Variants in GIMAP8 observed in about 807,000 individuals in gnomAD.
The protein encoded by GIMAP8 is GTPase, IMAP family member 8.
A neutral mutation model predicts 35.6 loss-of-function variants in GIMAP8; 29 were observed. The observed-to-expected ratio is 0.81, with a 90% CI of 0.61 to 1.11. GIMAP8 has a LOEUF of 1.11. GIMAP8 is among the 50% of genes most tolerant of loss of function. GIMAP8 has a pLI of 0.00. For synonymous variants in GIMAP8, 335 were observed against 308.7 expected, an observed-to-expected ratio of 1.09 and a Z score of -0.89; for missense variants, 811 against 805.0, an observed-to-expected ratio of 1.01 and a Z score of -0.09.
At chr7:150,465,222 T>A (rs1440110393) in intron 1 of GIMAP8, among the ~76,000 whole-genome samples, 2 of 152,170 alleles carry the variant, frequency 1.3e-5, no homozygotes, top group Non-Finnish European at 2.9e-5. Flanking sequence ...GGGGTGGCCA[T>A]CCAAGAGGGT....
At chr7:150,453,865 G>A (rs534866238) in intron 1 of GIMAP8, among the ~76,000 whole-genome samples, 8 of 152,146 alleles carry the variant, frequency 5.3e-5, no homozygotes, top group Admixed American at 2.0e-4. Flanking sequence ...GGTATGGGGC[G>A]GGGGTGCCCG....
At chr7:150,470,936 C>A in intron 3 of GIMAP8, 62 bp downstream of exon 3, 1 of 1,210,122 alleles carries the variant, frequency 8.3e-7, no homozygotes, top group Non-Finnish European at 1.2e-6. Flanking sequence ...CATTCTGCAG[C>A]CAAAGTGAAG....
intron 1 of GIMAP8, among the ~76,000 whole-genome samples, chr7:150,458,009 G>C (rs1229070937): frequency 6.6e-6 from 1 of 152,182 alleles, no homozygotes; most frequent in East Asian, 1.9e-4. Context: ...TTTCCTCAGA[G>C]AGCCATATGC....
Position 150,479,342 on chromosome 7 carries a change from T to C in GIMAP8, c.*1562T>C, listed in dbSNP as rs1402001108. 1 of 152,220 alleles carries C rather than the reference T, an allele frequency of 6.6e-6. No homozygotes were observed. Among genetic ancestry groups the C allele is most frequent in the Non-Finnish European group, 1.5e-5 (1 of 68,036 alleles). 9.4% of individuals were successfully genotyped at this position (152,220 alleles called of 1,614,324 possible). A position where few individuals can be genotyped will look rare whatever the true frequency, so the allele number is the denominator to read the frequency against. ...AAAAATTGGAAAGTAAAAAAAAGTG[T>C]GTAAATATATTTAGTTGAATCAAAT... is the stretch of plus-strand genomic sequence containing the variant. On this transcript the variant is annotated 3_prime_UTR_variant, in exon 5 of 5. Transcript: ENST00000307271.
At chr7:150,454,676 CA>C (rs1252787682) in intron 1 of GIMAP8, among the ~76,000 whole-genome samples, 1 of 152,156 alleles carries the variant, frequency 6.6e-6, no homozygotes, top group South Asian at 2.1e-4. Context: ...TTCACTGAGC[CA>C]AAAAGCAAAT....
intron 1 of GIMAP8, among the ~76,000 whole-genome samples, chr7:150,463,977 T>C (rs559188658): frequency 5.1e-4 from 77 of 152,318 alleles, no homozygotes; most frequent in African/African-American, 1.7e-3. Flanking sequence ...GTGGCATGCA[T>C]GGGCGCTGGT....
At chr7:150,452,690 A>ATATATATATATG (rs1801642813) in intron 1 of GIMAP8, among the ~76,000 whole-genome samples, 1 of 106,096 alleles carries the variant, frequency 9.4e-6, no homozygotes, top group African/African-American at 3.4e-5. Flanking sequence ...ATATATATAT[A>ATATATATATATG]TATATATATA....
At position 150,451,448 on chromosome 7, in the gene GIMAP8, C is replaced by T. The variant is rs1006803834; in HGVS notation, c.-29+273C>T. Reference sequence around the variant, plus strand: ...GGGAAGCTTTCCTCCTGGTCCAAAGCGTGTCTCCCCAGCCTGCTGGGGAGT... The same window carrying T: ...GGGAAGCTTTCCTCCTGGTCCAAAGTGTGTCTCCCCAGCCTGCTGGGGAGT... On this transcript the variant is annotated intron_variant, in intron 1 of 4. Transcript: ENST00000307271. The surrounding 1 kb of genome is among the most constrained non-coding windows in gnomAD (Gnocchi z 4.1). 1.3e-5 allele frequency among the ~76,000 whole-genome samples: 2 copies of T among 152,218 alleles called. No homozygotes were observed. Among genetic ancestry groups the T allele is most frequent in the African/African-American group, 4.8e-5 (2 of 41,522 alleles).
At chr7:150,470,930 CTGCAGCCA>C in intron 3 of GIMAP8, 56 bp downstream of exon 3, 5 of 1,246,042 alleles carry the variant, frequency 4.0e-6, no homozygotes, top group Non-Finnish European at 5.9e-6. Flanking sequence ...TGAATGCATT[CTGCAGCCA>C]AAGTGAAGCG....
At chr7:150,453,938 G>A (rs1801674505) in intron 1 of GIMAP8, among the ~76,000 whole-genome samples, 1 of 151,960 alleles carries the variant, frequency 6.6e-6, no homozygotes, top group African/African-American at 2.4e-5. Context: ...ATGGGGTGGG[G>A]GTGTCAGTGG....
intron 2 of GIMAP8, 86 bp downstream of exon 2, chr7:150,467,420 T>C: frequency 9.7e-7 from 1 of 1,035,760 alleles, no homozygotes; most frequent in Non-Finnish European, 1.4e-6. Context: ...AAATATTGCA[T>C]TGTGTGATGG....
intron 1 of GIMAP8, among the ~76,000 whole-genome samples, chr7:150,458,440 G>C (rs892096868): frequency 6.6e-6 from 1 of 152,176 alleles, no homozygotes; most frequent in Non-Finnish European, 1.5e-5. Context: ...AGGGCAATCT[G>C]CTTTACTCAG....
At position 150,477,569 on chromosome 7, in the gene GIMAP8, G is replaced by C. The variant is rs139733638; in HGVS notation, c.1787G>C (p.Arg596Pro). The C allele has an allele frequency of 4.3e-6, 7 of 1,614,122 alleles. No individual in the cohort carries two copies. Among genetic ancestry groups the C allele is most frequent in the South Asian group, 1.1e-5 (1 of 91,056 alleles). ...CGGCGCATTTTTAAAAAGTGTGGGCGGCGAGTTTGTGCTTTTAACAACAAA... is the reference window on the plus strand; with the variant it reads ...CGGCGCATTTTTAAAAAGTGTGGGCCGCGAGTTTGTGCTTTTAACAACAAA... ...ALRRIFKKCG[R>P]RVCAFNNKET... The change falls in exon 5 of 5, where the codon CGG (arginine) becomes CCG (proline). Residue 596 changes from arginine (R) to proline (P), a missense_variant. Transcript: ENST00000307271.
Position 150,477,951 on chromosome 7 carries a change from A to C in GIMAP8, c.*171A>C. 1.7e-6 allele frequency: 1 copy of C among 596,528 alleles called. No individual in the cohort carries two copies. Among genetic ancestry groups the C allele is most frequent in the South Asian group, 2.2e-5 (1 of 45,266 alleles). The allele number at this position is 596,528 out of a possible 1,614,324, so 37.0% of individuals were successfully genotyped here. A position where few individuals can be genotyped will look rare whatever the true frequency, so the allele number is the denominator to read the frequency against. ...AGCTATTTGTAGATAAATAAATTGC[A>C]GGTGGGGGCGAATAGTAGGGTATTA... is the stretch of plus-strand genomic sequence containing the variant. On this transcript the variant is annotated 3_prime_UTR_variant, in exon 5 of 5. Coordinates refer to ENST00000307271, the MANE Select transcript of GIMAP8 (RefSeq NM_175571.4).
At chr7:150,456,117 T>C (rs1206086062) in intron 1 of GIMAP8, among the ~76,000 whole-genome samples, 1 of 152,178 alleles carries the variant, frequency 6.6e-6, no homozygotes, top group Non-Finnish European at 1.5e-5. Context: ...AAGCAGACTT[T>C]CATGTAACTG....
rs559277996 is a variant in GIMAP8 at position 150,472,710 on chromosome 7, G to A, written c.683-1302G>A. Among the ~76,000 whole-genome samples, 7 of 152,286 alleles carry A rather than the reference G, an allele frequency of 4.6e-5. No homozygotes were observed. The highest frequency in any genetic ancestry group is 2.1e-4 in the South Asian group (1 of 4,822). ...TGGCAGCTGATTTGTATAGTTTTGC[G>A]GTGAGCAATTTAGGTGAAGTTCTCT... On this transcript the variant is annotated intron_variant, in intron 3 of 4. Transcript: ENST00000307271. The surrounding 1 kb of genome is among the most constrained non-coding windows in gnomAD (Gnocchi z 4.1).
At chr7:150,463,437 C>T (rs1453921588) in intron 1 of GIMAP8, among the ~76,000 whole-genome samples, 2 of 152,152 alleles carry the variant, frequency 1.3e-5, no homozygotes, top group Admixed American at 1.3e-4. Context: ...TGTTTTTGCA[C>T]TATGTGCATC....
intron 2 of GIMAP8, among the ~76,000 whole-genome samples, chr7:150,470,255 G>T (rs1563285667): frequency 6.6e-6 from 1 of 152,062 alleles, no homozygotes; most frequent in African/African-American, 2.4e-5. Flanking sequence ...GCAGAGGGAA[G>T]ATTTCCTTGG....
intron 1 of GIMAP8, among the ~76,000 whole-genome samples, chr7:150,460,153 T>G (rs1801813678): frequency 6.6e-6 from 1 of 152,174 alleles, no homozygotes; most frequent in South Asian, 2.1e-4. Context: ...CATGGCCACT[T>G]TGTTCATCAG....
Sources: allele counts gnomAD v4.1 joint callset (sites outside exome capture counted in the v4.1 genomes callset), GRCh38; gene constraint gnomAD v4.1.1; non-coding constraint Gnocchi (gnomAD v3.1); transcripts MANE v1.5; gene names NCBI Gene and HGNC (gene_info 2026-07-23, HGNC 2026-07-21).